Variants in WNT2 observed in about 807,000 individuals in gnomAD.
WNT2 encodes protein Wnt-2.
WNT2 carries 12 observed loss-of-function variants against 36.9 expected under a neutral mutation model. The ratio of observed to expected loss-of-function variants is 0.33; its 90% confidence interval spans 0.21 to 0.53. The LOEUF is 0.53. Among genes scored for constraint, WNT2 ranks in the 20% least tolerant of loss-of-function variants. The pLI, the probability that WNT2 is intolerant of heterozygous loss-of-function variation, is 0.95. For missense variants in WNT2, 379 were observed against 473.1 expected (o/e 0.80, Z 1.84); for synonymous variants, 163 against 174.6 (o/e 0.93, Z 0.52).
intron 3 of WNT2, among the ~76,000 whole-genome samples, chr7:117,302,813 G>T (rs1220814852): frequency 1.3e-5 from 2 of 152,180 alleles, no homozygotes; most frequent in African/African-American, 4.8e-5. Context: ...AATATATGTG[G>T]TATGATCCAG....
At position 117,292,768 on chromosome 7, in the gene WNT2, C is replaced by G. The variant is rs142130598; in HGVS notation, c.853+4844G>C. ...GGAGTGAAAGAATGACTCTCTTATA[C>G]TGGGCAAGACATGGTGGGAGATGTT... On this transcript the variant is annotated intron_variant, in intron 4 of 4. Coordinates refer to ENST00000265441, the MANE Select transcript of WNT2 (RefSeq NM_003391.3). Among the ~76,000 whole-genome samples, 1,071 of 152,236 alleles carry G rather than the reference C, an allele frequency of 7.0e-3. 14 individuals are homozygous for G. Among genetic ancestry groups the G allele is most frequent in the African/African-American group, 0.024 (1,015 of 41,530 alleles).
chr7:117,307,896 T>G (rs1322291017), intron 3 of WNT2, among the ~76,000 whole-genome samples: 2 of 152,244 alleles, frequency 1.3e-5, no homozygotes, highest in African/African-American at 4.8e-5. Flanking sequence ...ATATACTGTG[T>G]TTTCACTAAA....
intron 4 of WNT2, among the ~76,000 whole-genome samples, chr7:117,292,534 G>A (rs937175229): frequency 2.0e-5 from 3 of 152,082 alleles, no homozygotes; most frequent in Non-Finnish European, 4.4e-5. Flanking sequence ...AAATGTTCTC[G>A]CATCCTTCTC....
chr7:117,293,468 A>T (rs1349070069), intron 4 of WNT2, among the ~76,000 whole-genome samples: 1 of 152,234 alleles, frequency 6.6e-6, no homozygotes, highest in Non-Finnish European at 1.5e-5. Flanking sequence ...AAAAGCAATG[A>T]TGGAAAGCAA....
chr7:117,301,965 G>A (rs189940381), intron 3 of WNT2, among the ~76,000 whole-genome samples: 1 of 151,806 alleles, frequency 6.6e-6, no homozygotes, highest in African/African-American at 2.4e-5. Flanking sequence ...ATGCCACCAC[G>A]CCTTGCTATT....
chr7:117,286,087 C>T (rs1794573112), intron 4 of WNT2, among the ~76,000 whole-genome samples: 1 of 152,118 alleles, frequency 6.6e-6, no homozygotes, highest in Non-Finnish European at 1.5e-5. Context: ...TATGTGTTGT[C>T]ATCCTGACTC....
At chr7:117,293,813 G>A (rs908421193) in intron 4 of WNT2, among the ~76,000 whole-genome samples, 18 of 152,108 alleles carry the variant, frequency 1.2e-4, no homozygotes, top group African/African-American at 4.3e-4. Context: ...AGTGCAGACT[G>A]AGAAGATGAT....
chr7:117,294,789 G>A (rs1003240392), intron 4 of WNT2, among the ~76,000 whole-genome samples: 2 of 152,198 alleles, frequency 1.3e-5, no homozygotes, highest in East Asian at 1.9e-4. Context: ...GAGTAAAATC[G>A]TTGTTGAAAA....
chr7:117,281,320 C>T (rs905227541), intron 4 of WNT2, among the ~76,000 whole-genome samples: 1 of 152,146 alleles, frequency 6.6e-6, no homozygotes, highest in Admixed American at 6.5e-5. Context: ...TCACTAGAGC[C>T]TCGACCTCCT....
chr7:117,284,288 C>G lies in WNT2; in HGVS notation c.854-5904G>C, dbSNP rs181571078. On this transcript the variant is annotated intron_variant, in intron 4 of 4. Coordinates refer to ENST00000265441, the MANE Select transcript of WNT2 (RefSeq NM_003391.3). This position sits in a 1 kb window ranked among gnomAD's most constrained non-coding sequence, Gnocchi z 5.2. ...TCAATAGCAGTAGGGCCATACTGTTCCATTGGTCTTTCCAAAACAGAAAGC... is the reference window on the plus strand; with the variant it reads ...TCAATAGCAGTAGGGCCATACTGTTGCATTGGTCTTTCCAAAACAGAAAGC... Among the ~76,000 whole-genome samples, 178 of 152,258 alleles carry G rather than the reference C, an allele frequency of 1.2e-3. No homozygotes were observed. Among genetic ancestry groups the G allele is most frequent in the African/African-American group, 4.2e-3 (173 of 41,540 alleles).
At chr7:117,302,325 T>A (rs1168675581) in intron 3 of WNT2, among the ~76,000 whole-genome samples, 1 of 152,140 alleles carries the variant, frequency 6.6e-6, no homozygotes, top group Non-Finnish European at 1.5e-5. Flanking sequence ...CAAACTGAAA[T>A]AATACACCTT....
At chr7:117,294,709 T>C (rs1794755543) in intron 4 of WNT2, among the ~76,000 whole-genome samples, 1 of 152,020 alleles carries the variant, frequency 6.6e-6, no homozygotes, top group South Asian at 2.1e-4. Context: ...AGAAGACAGA[T>C]AAGAGAGAAA....
chr7:117,299,059 G>A (rs1391282630), intron 3 of WNT2, among the ~76,000 whole-genome samples: 1 of 152,220 alleles, frequency 6.6e-6, no homozygotes, highest in Admixed American at 6.5e-5. Flanking sequence ...GAAGTGAGCA[G>A]GAAGCATGTG....
intron 4 of WNT2, among the ~76,000 whole-genome samples, chr7:117,279,362 C>T (rs1045867456): frequency 1.3e-5 from 2 of 152,148 alleles, no homozygotes; most frequent in African/African-American, 4.8e-5. Context: ...GGGCACCTGG[C>T]AGCCATGTTG....
intron 3 of WNT2, among the ~76,000 whole-genome samples, chr7:117,314,126 C>T (rs940433981): frequency 1.3e-5 from 2 of 152,268 alleles, no homozygotes; most frequent in African/African-American, 4.8e-5. Context: ...GACAAATTAT[C>T]GTTACCTCTT....
chr7:117,313,822 CTG>C (rs1302764268), intron 3 of WNT2, among the ~76,000 whole-genome samples: 2 of 152,150 alleles, frequency 1.3e-5, no homozygotes, highest in Non-Finnish European at 2.9e-5. Context: ...GCAGTAGTGA[CTG>C]TAAGTTCATA....
At chr7:117,292,634 C>T (rs1340915149) in intron 4 of WNT2, among the ~76,000 whole-genome samples, 1 of 152,184 alleles carries the variant, frequency 6.6e-6, no homozygotes, top group Non-Finnish European at 1.5e-5. Context: ...AGCGTTACTT[C>T]AGGACTTCTC....
chr7:117,292,282 C>G (rs1794703733), intron 4 of WNT2, among the ~76,000 whole-genome samples: 1 of 151,068 alleles, frequency 6.6e-6, no homozygotes, highest in Non-Finnish European at 1.5e-5. Flanking sequence ...AGGACCTACT[C>G]CCAACCACAC....
chr7:117,291,659 A>C (rs1038990288), intron 4 of WNT2, among the ~76,000 whole-genome samples: 3 of 152,232 alleles, frequency 2.0e-5, no homozygotes. Context: ...TGGGGCGAGT[A>C]ATTATAGTTG....
Sources: gnomAD v4.1 joint callset for allele counts (sites outside exome capture counted in the v4.1 genomes callset) on GRCh38, gnomAD v4.1.1 for gene constraint, Gnocchi (gnomAD v3.1) non-coding constraint, MANE v1.5 for transcripts, NCBI Gene and HGNC (gene_info 2026-07-23, HGNC 2026-07-21) for gene names.